GPR39: variants seen among roughly 807,000 people sequenced by gnomAD.
GPR39 encodes G protein-coupled receptor 39.
A neutral mutation model predicts 18.4 loss-of-function variants in GPR39; 23 were observed. That is an observed-to-expected ratio of 1.25 (90% confidence interval 0.90 to 1.77). The LOEUF (loss-of-function observed/expected upper bound fraction) is 1.77, where lower values mean the gene tolerates loss of function less well. Ranked by LOEUF, GPR39 falls within the 40% of genes most tolerant of loss-of-function variation. The probability of loss-of-function intolerance (pLI) is 0.00; values close to 1 mark genes in which losing one functional copy is unlikely to be tolerated. For synonymous variants in GPR39, 280 were observed against 257.9 expected (o/e 1.09, Z -0.82); for missense variants, 647 against 602.4 (o/e 1.07, Z -0.78).
Position 132,645,402 on chromosome 2 carries a change from C to A in GPR39, c.1158C>A (p.Arg386=), listed in dbSNP as rs777909907. ...VHAHSTTDSA[R]FVQRPLLFAS... The stretch of plus-strand genomic sequence containing the variant: ...CGCACTCCACCACCGACAGCGCCCG[C>A]TTTGTGCAGCGCCCGTTGCTCTTCG... The change falls in exon 2 of 2, where the codon CGC becomes CGA. Residue 386 remains arginine (R), a synonymous_variant. Transcript: ENST00000329321. 4 of 1,613,586 alleles carry A rather than the reference C, an allele frequency of 2.5e-6. No individual in the cohort carries two copies. The highest frequency in any genetic ancestry group is 3.4e-6 in the Non-Finnish European group (4 of 1,180,032).
intron 1 of GPR39, among the ~76,000 whole-genome samples, chr2:132,635,296 C>T (rs1214001209): frequency 6.6e-6 from 1 of 152,222 alleles, no homozygotes; most frequent in Non-Finnish European, 1.5e-5. Context: ...TTTTCTGTTA[C>T]ACATTGAGAA....
chr2:132,521,020 A>G (rs892322939), intron 1 of GPR39, among the ~76,000 whole-genome samples: 1 of 152,204 alleles, frequency 6.6e-6, no homozygotes, highest in African/African-American at 2.4e-5. Flanking sequence ...AAGCCTGGAA[A>G]TGGGCTGTTC....
intron 1 of GPR39, among the ~76,000 whole-genome samples, chr2:132,599,802 A>G (rs1681007838): frequency 2.0e-5 from 3 of 152,166 alleles, no homozygotes; most frequent in African/African-American, 7.2e-5. Context: ...TCAAGCTGGT[A>G]AACTGAGGTT....
intron 1 of GPR39, among the ~76,000 whole-genome samples, chr2:132,492,895 T>C (rs942734038): frequency 2.2e-5 from 3 of 137,518 alleles, no homozygotes; most frequent in East Asian, 2.2e-4. Flanking sequence ...ACCATATATA[T>C]ACCATATATA....
chr2:132,483,992 G>A (rs1205043482), intron 1 of GPR39, among the ~76,000 whole-genome samples: 1 of 152,134 alleles, frequency 6.6e-6, no homozygotes, highest in East Asian at 1.9e-4. Context: ...TGACCTTGAT[G>A]GGAATGTCTC....
intron 1 of GPR39, among the ~76,000 whole-genome samples, chr2:132,581,311 C>T (rs1350383079): frequency 6.7e-6 from 1 of 148,846 alleles, no homozygotes; most frequent in African/African-American, 2.5e-5. Context: ...GGAGTCTTCA[C>T]AGGGCTATGG....
intron 1 of GPR39, among the ~76,000 whole-genome samples, chr2:132,509,582 T>A (rs1679203169): frequency 6.6e-6 from 1 of 152,330 alleles, no homozygotes; most frequent in African/African-American, 2.4e-5. Context: ...CCTCAAAAAA[T>A]TTTTAAAACA....
chr2:132,555,593 A>G (rs570432410), intron 1 of GPR39, among the ~76,000 whole-genome samples: 6 of 152,304 alleles, frequency 3.9e-5, no homozygotes, highest in Admixed American at 2.6e-4. Flanking sequence ...CCAGAAACCA[A>G]TGGAAGCTTT....
intron 1 of GPR39, among the ~76,000 whole-genome samples, chr2:132,525,005 C>T: frequency 6.6e-6 from 1 of 152,160 alleles, no homozygotes; most frequent in Non-Finnish European, 1.5e-5. Context: ...TATTGCCTCC[C>T]TACATTTGTC....
At chr2:132,628,781 T>G (rs1018869816) in intron 1 of GPR39, among the ~76,000 whole-genome samples, 5 of 152,126 alleles carry the variant, frequency 3.3e-5, no homozygotes, top group East Asian at 1.9e-4. Context: ...GTGTGTGTGT[T>G]TGTGCAATCA....
At chr2:132,464,827 C>T (rs1170583268) in intron 1 of GPR39, among the ~76,000 whole-genome samples, 1 of 152,188 alleles carries the variant, frequency 6.6e-6, no homozygotes, top group Non-Finnish European at 1.5e-5. Flanking sequence ...TAGAGGTGCT[C>T]TTGGAGACTC....
intron 1 of GPR39, among the ~76,000 whole-genome samples, chr2:132,584,166 C>T (rs1233501288): frequency 1.3e-5 from 2 of 152,056 alleles, no homozygotes; most frequent in Non-Finnish European, 2.9e-5. Flanking sequence ...GACCAGTGGG[C>T]ACGTGACCTG....
chr2:132,453,295 G>T (rs910361597), intron 1 of GPR39, among the ~76,000 whole-genome samples: 1 of 152,136 alleles, frequency 6.6e-6, no homozygotes, highest in African/African-American at 2.4e-5. Flanking sequence ...AGAAGTGTCT[G>T]TTCATATCCT....
intron 1 of GPR39, chr2:132,433,588 A>G (rs535313003): frequency 6.6e-6 from 1 of 151,924 alleles, no homozygotes; most frequent in East Asian, 2.0e-4. Context: ...TATCACAAGA[A>G]AAAGCTGAAT....
At chr2:132,624,213 T>A (rs1681500338) in intron 1 of GPR39, among the ~76,000 whole-genome samples, 2 of 152,212 alleles carry the variant, frequency 1.3e-5, no homozygotes, top group African/African-American at 4.8e-5. Flanking sequence ...TCCCTGTGTC[T>A]TTCTGTGGTT....
chr2:132,498,569 T>G (rs2104801583), intron 1 of GPR39, among the ~76,000 whole-genome samples: 1 of 152,322 alleles, frequency 6.6e-6, no homozygotes, highest in South Asian at 2.1e-4. Context: ...TAATGACTTC[T>G]TTTCCTCTGG....
chr2:132,643,426 C>CTTG (rs1681903297), intron 1 of GPR39, among the ~76,000 whole-genome samples: 1 of 152,148 alleles, frequency 6.6e-6, no homozygotes, highest in South Asian at 2.1e-4. Context: ...AGCTAGGGTC[C>CTTG]CCTCCAACAG....
At chr2:132,618,052 A>G (rs1681368543) in intron 1 of GPR39, among the ~76,000 whole-genome samples, 1 of 152,086 alleles carries the variant, frequency 6.6e-6, no homozygotes, top group Non-Finnish European at 1.5e-5. Flanking sequence ...CCCCCTAAAT[A>G]TGTCCCCTCC....
intron 1 of GPR39, among the ~76,000 whole-genome samples, chr2:132,575,389 TCA>T (rs1463301228): frequency 6.6e-6 from 1 of 152,262 alleles, no homozygotes; most frequent in Non-Finnish European, 1.5e-5. Flanking sequence ...AAGAGATCCC[TCA>T]CACCTTCTAC....
Sources: gnomAD v4.1 joint callset for allele counts (sites outside exome capture counted in the v4.1 genomes callset) on GRCh38, gnomAD v4.1.1 for gene constraint, MANE v1.5 for transcripts, NCBI Gene and HGNC (gene_info 2026-07-23, HGNC 2026-07-21) for gene names.